CMYA5: variants seen among roughly 807,000 people sequenced by gnomAD.
CMYA5 encodes the protein cardiomyopathy-associated protein 5.
A neutral mutation model predicts 318.9 loss-of-function variants in CMYA5; 246 were observed. The ratio of observed to expected loss-of-function variants is 0.77; its 90% CI spans 0.70 to 0.86. CMYA5 has a LOEUF of 0.86. Ranked by LOEUF, CMYA5 falls within the 40% of genes least tolerant of loss-of-function variation. The pLI, the probability that CMYA5 is intolerant of heterozygous loss-of-function variation, is 0.00. For missense variants in CMYA5, 4,589 were observed against 4,678.2 expected, an observed-to-expected ratio of 0.98 and a Z score of 0.56; for synonymous variants, 1,641 against 1,729.5, an observed-to-expected ratio of 0.95 and a Z score of 1.27.
chr5:79,745,441 G>A lies in CMYA5; in HGVS notation c.10954G>A (p.Ala3652Thr), dbSNP rs746095222. The A allele has an allele frequency of 1.2e-6, 2 of 1,613,582 alleles. No individual in the cohort carries two copies. Among genetic ancestry groups the A allele is most frequent in the Admixed American group, 3.3e-5 (2 of 60,006 alleles). ...GAGAGAAGCAGAGGAGCTTGATGAG[G>A]CCGTCTTCCTGACTGTAAGTGCCAA... ...IVREAEELDE[A>T]VFLTSFEEIN... is the part of the protein sequence containing the mutation. Residue 3652 changes from alanine to threonine, a missense_variant, in exon 4 of 13, where the codon GCC (alanine) becomes ACC (threonine). Around this residue, in one of 3 missense-constraint regions of CMYA5, gnomAD observed 2,431 missense variants for 2,495.1 expected, o/e 0.97. Transcript: ENST00000446378.
intron 9 of CMYA5, among the ~76,000 whole-genome samples, chr5:79,769,111 C>T (rs569573333): frequency 6.6e-6 from 1 of 151,920 alleles, no homozygotes; most frequent in South Asian, 2.1e-4. Flanking sequence ...GTGTAGGCGT[C>T]AAGAAGTTCT....
chr5:79,718,361 A>C (rs1327539518), intron 1 of CMYA5, among the ~76,000 whole-genome samples: 4 of 152,196 alleles, frequency 2.6e-5, no homozygotes, highest in African/African-American at 4.8e-5. Context: ...TTTGTATTAA[A>C]AGATCACAAG....
rs376168686 is a variant in CMYA5, at chr5:79,729,589, A to G, written c.824A>G (p.Asn275Ser). The part of the protein sequence containing the change: ...ASISLEPDLD[N>S]SGSNTVSKTR... Reference sequence around the variant, plus strand: ...ATTAGTCTAGAGCCAGATTTGGACAATAGTGGTTCTAATACAGTGTCCAAA... The same window carrying G: ...ATTAGTCTAGAGCCAGATTTGGACAGTAGTGGTTCTAATACAGTGTCCAAA... The change falls in exon 2 of 13, where the codon AAT (asparagine) becomes AGT (serine). Residue 275 changes from asparagine to serine, a missense_variant. Coordinates refer to ENST00000446378, the MANE Select transcript of CMYA5 (RefSeq NM_153610.5). The G allele has an allele frequency of 8.7e-6, 14 of 1,613,126 alleles. No individual in the cohort carries two copies. In the African/African-American group the frequency reaches 1.9e-4, roughly 22 times the overall value.
Position 79,730,457 on chromosome 5 carries a change from A to C in CMYA5, c.1692A>C (p.Leu564=). 1 of 1,613,876 alleles carries C rather than the reference A, an allele frequency of 6.2e-7. No individual in the cohort carries two copies. The highest frequency in any genetic ancestry group is 8.5e-7 in the Non-Finnish European group (1 of 1,179,872). ...EVEHKEEELI[L]PLLAASSPEH... is the part of the protein sequence containing the mutation. ...AGCACAAAGAAGAAGAGCTTATTCT[A>C]CCATTATTGGCAGCATCATCTCCTG... is the stretch of plus-strand genomic sequence containing the variant. Residue 564 remains leucine, a synonymous_variant, in exon 2 of 13, where the codon CTA becomes CTC. Transcript: ENST00000446378.
chr5:79,759,036 C>T (rs2151094227), intron 7 of CMYA5, 134 bp downstream of exon 7: 1 of 726,714 alleles, frequency 1.4e-6, no homozygotes, highest in South Asian at 4.7e-5. Flanking sequence ...AACAAAACCC[C>T]AACAACCATA....
intron 9 of CMYA5, chr5:79,778,235 A>G (rs1018804314): frequency 6.6e-6 from 1 of 152,254 alleles, no homozygotes; most frequent in Non-Finnish European, 1.5e-5. Flanking sequence ...TTGTGCATAT[A>G]TCATTTCACA....
chr5:79,712,609 G>A (rs949745054), intron 1 of CMYA5, among the ~76,000 whole-genome samples: 4 of 152,018 alleles, frequency 2.6e-5, no homozygotes, highest in African/African-American at 9.7e-5. Context: ...TCTAATAGAT[G>A]AGCTGGGCTT....
chr5:79,695,726 T>C (rs974931167), intron 1 of CMYA5, among the ~76,000 whole-genome samples: 1 of 152,194 alleles, frequency 6.6e-6, no homozygotes, highest in Non-Finnish European at 1.5e-5. Flanking sequence ...GTGGAAGCGG[T>C]TAATTTCAAT....
At chr5:79,789,287 G>A (rs1326037907) in intron 10 of CMYA5, among the ~76,000 whole-genome samples, 183 bp downstream of exon 10, 1 of 152,168 alleles carries the variant, frequency 6.6e-6, no homozygotes, top group African/African-American at 2.4e-5. Context: ...CTGCTTTACA[G>A]GTTCTCAGCC....
Position 79,732,852 on chromosome 5 carries a change from T to G in CMYA5, c.4087T>G (p.Ser1363Ala). The part of the protein sequence containing the change: ...TTTASVTKLD[S>A]NLTRAVKEEI... ...TACAGCATCTGTAACTAAGCTTGATTCAAACTTAACCAGAGCAGTAAAAGA... is the reference window on the plus strand; with the variant it reads ...TACAGCATCTGTAACTAAGCTTGATGCAAACTTAACCAGAGCAGTAAAAGA... Residue 1363 changes from serine to alanine, a missense_variant, in exon 2 of 13, where the codon TCA becomes GCA. Physicochemically the swap from Ser to Ala is moderately conservative, Grantham distance 99 (BLOSUM62 1). This residue lies in a region of CMYA5 where 2,132 missense variants were observed against 2,131.3 expected (regional missense o/e 1.00). Transcript: ENST00000446378. The G allele has an allele frequency of 1.2e-6, 2 of 1,613,784 alleles. No individual in the cohort carries two copies. The highest frequency in any genetic ancestry group is 2.2e-5 in the South Asian group (2 of 91,050).
chr5:79,748,838 T>C (rs1048325171), intron 5 of CMYA5, among the ~76,000 whole-genome samples: 4 of 152,190 alleles, frequency 2.6e-5, no homozygotes, highest in African/African-American at 7.2e-5. Flanking sequence ...CTAAATATTA[T>C]TGACATTTCT....
chr5:79,763,594 T>A (rs259129), intron 9 of CMYA5, among the ~76,000 whole-genome samples: 1 of 152,066 alleles, frequency 6.6e-6, no homozygotes, highest in African/African-American at 2.4e-5. Flanking sequence ...TAATGTAAAT[T>A]GGAATGTCTC....
At position 79,799,479 on chromosome 5, in the gene CMYA5, G is replaced by A. The variant is rs763759777; in HGVS notation, c.12073G>A (p.Ala4025Thr). Residue 4025 changes from alanine to threonine, a missense_variant, in exon 13 of 13, where the codon GCA becomes ACA. This residue lies in a region of CMYA5 where 2,431 missense variants were observed against 2,495.1 expected (regional missense o/e 0.97). Transcript: ENST00000446378. ...CAACCAGAGACTTATCTTCATCAAC[G>A]CAGAGAGCGAGCAGTTGCTCTTCAT... is the stretch of plus-strand genomic sequence containing the variant. ...YNNQRLIFIN[A>T]ESEQLLFIIR... 1.1e-5 allele frequency: 17 copies of A among 1,613,970 alleles called. No homozygotes were observed. In the East Asian group the frequency reaches 1.1e-4, roughly 11 times the overall value.
At chr5:79,778,459 T>C (rs1828985563) in intron 9 of CMYA5, among the ~76,000 whole-genome samples, 1 of 152,200 alleles carries the variant, frequency 6.6e-6, no homozygotes, top group Non-Finnish European at 1.5e-5. Flanking sequence ...TGACAATTTG[T>C]AGAAAATGAA....
intron 9 of CMYA5, among the ~76,000 whole-genome samples, chr5:79,777,495 G>A (rs1002907626): frequency 2.6e-5 from 4 of 152,168 alleles, no homozygotes; most frequent in Admixed American, 6.5e-5. Flanking sequence ...TTTTAGGCCA[G>A]GTGTGATGGC....
intron 1 of CMYA5, among the ~76,000 whole-genome samples, chr5:79,697,385 T>C (rs542461057): frequency 6.6e-6 from 1 of 152,300 alleles, no homozygotes; most frequent in African/African-American, 2.4e-5. Context: ...AATGAGAGTC[T>C]GGCAAGACAG....
intron 1 of CMYA5, among the ~76,000 whole-genome samples, chr5:79,710,094 A>G (rs770460648): frequency 3.3e-5 from 5 of 152,018 alleles, no homozygotes; most frequent in African/African-American, 9.7e-5. Flanking sequence ...TCCTACTAAC[A>G]GTACATATTC....
chr5:79,789,180 G>C lies in CMYA5; in HGVS notation c.11689+76G>C, dbSNP rs1829134026. 2.0e-6 allele frequency: 3 copies of C among 1,530,392 alleles called. No homozygotes were observed. The African/African-American group carries it at 4.1e-5, about 21-fold the overall frequency. 94.8% of individuals were successfully genotyped at this position (1,530,392 alleles called of 1,614,324 possible). A position where few individuals can be genotyped will look rare whatever the true frequency, so the allele number is the denominator to read the frequency against. ...TCCACCCCTCAGAGAAGATGTCCTA[G>C]AGGGCAACTTTATAAACTCCCAACC... On this transcript the variant is annotated intron_variant, in intron 10 of 12. Coordinates refer to ENST00000446378, the MANE Select transcript of CMYA5 (RefSeq NM_153610.5).
chr5:79,705,230 C>T (rs1171784120), intron 1 of CMYA5, among the ~76,000 whole-genome samples: 1 of 152,148 alleles, frequency 6.6e-6, no homozygotes, highest in Non-Finnish European at 1.5e-5. Flanking sequence ...CGAGATCGTG[C>T]CACTGCACTC....
Sources: gnomAD v4.1 joint callset for allele counts (sites outside exome capture counted in the v4.1 genomes callset) on GRCh38, gnomAD v4.1.1 for gene constraint, gnomAD v4.1.1 regional missense constraint, MANE v1.5 for transcripts, NCBI Gene and HGNC (gene_info 2026-07-23, HGNC 2026-07-21) for gene names.